Variants in SLC9A9 observed in about 807,000 individuals in gnomAD.
The protein encoded by SLC9A9 is sodium/hydrogen exchanger 9.
Under a neutral mutation model 77.8 loss-of-function variants are expected in SLC9A9, and 62 were observed. That is an observed-to-expected ratio of 0.80 (90% confidence interval 0.65 to 0.98). The LOEUF is 0.98. Among genes scored for constraint, SLC9A9 ranks in the 50% least tolerant of loss-of-function variants. SLC9A9 has a pLI of 0.00. For synonymous variants in SLC9A9, 320 were observed against 283.5 expected, an observed-to-expected ratio of 1.13 and a Z score of -1.29; for missense variants, 775 against 774.9, an observed-to-expected ratio of 1.00 and a Z score of 0.00.
Position 143,403,815 on chromosome 3 carries a change from C to T in SLC9A9, c.1470-21701G>A, listed in dbSNP as rs530758741. Reference sequence around the variant, plus strand: ...TGTGTCTTGATATGGCTTTCGTTTTCCCTACTTGTAATTCACTGAACTTCT... The same window carrying T: ...TGTGTCTTGATATGGCTTTCGTTTTTCCTACTTGTAATTCACTGAACTTCT... On this transcript the variant is annotated intron_variant, in intron 12 of 15. Transcript: ENST00000316549. Among the ~76,000 whole-genome samples the T allele has an allele frequency of 2.0e-5, 3 of 152,216 alleles. No homozygotes were observed. In the South Asian group the frequency reaches 6.2e-4, roughly 32 times the overall value.
chr3:143,380,295 T>C (rs2033273548), intron 13 of SLC9A9, among the ~76,000 whole-genome samples: 1 of 152,176 alleles, frequency 6.6e-6, no homozygotes, highest in Non-Finnish European at 1.5e-5. Context: ...TACATTTAAA[T>C]TGGAAAGGAT....
intron 1 of SLC9A9, among the ~76,000 whole-genome samples, chr3:143,833,815 T>C (rs2009499230): frequency 6.6e-6 from 1 of 152,178 alleles, no homozygotes; most frequent in African/African-American, 2.4e-5. Context: ...ACAATGCATA[T>C]ATACAGAAAG....
intron 7 of SLC9A9, among the ~76,000 whole-genome samples, chr3:143,578,262 A>T (rs1191267797): frequency 6.6e-6 from 1 of 152,164 alleles, no homozygotes; most frequent in Admixed American, 6.5e-5. Flanking sequence ...TCTTGACCCT[A>T]GTAAGGCCAA....
intron 4 of SLC9A9, among the ~76,000 whole-genome samples, chr3:143,707,406 G>A (rs1208851712): frequency 6.9e-6 from 1 of 145,410 alleles, no homozygotes; most frequent in East Asian, 1.9e-4. Flanking sequence ...ACACACCCCA[G>A]CTGGGAAGCC....
intron 8 of SLC9A9, among the ~76,000 whole-genome samples, chr3:143,557,295 A>T (rs1372652074): frequency 6.6e-6 from 1 of 152,106 alleles, no homozygotes; most frequent in Non-Finnish European, 1.5e-5. Flanking sequence ...AGTCAATTAA[A>T]CCTCTTCTTT....
chr3:143,790,970 T>C (rs1392133491), intron 4 of SLC9A9, among the ~76,000 whole-genome samples: 1 of 152,164 alleles, frequency 6.6e-6, no homozygotes, highest in Non-Finnish European at 1.5e-5. Context: ...TAGAACAAAA[T>C]GTATGTGCTG....
intron 11 of SLC9A9, 99 bp downstream of exon 11, chr3:143,493,554 T>G (rs2035782854): frequency 9.7e-7 from 1 of 1,029,104 alleles, no homozygotes; most frequent in African/African-American, 1.6e-5. Flanking sequence ...TAAAGAGAAG[T>G]TGTTTCCCCA....
At chr3:143,514,188 G>C (rs1391521209) in intron 9 of SLC9A9, among the ~76,000 whole-genome samples, 2 of 151,432 alleles carry the variant, frequency 1.3e-5, no homozygotes, top group Non-Finnish European at 1.5e-5. Flanking sequence ...TCCTTAAAAA[G>C]AGCAGCAATA....
intron 6 of SLC9A9, among the ~76,000 whole-genome samples, chr3:143,619,801 C>T (rs765686915): frequency 1.1e-4 from 16 of 152,196 alleles, no homozygotes; most frequent in Non-Finnish European, 2.2e-4. Context: ...AACTTCTGGT[C>T]CCGCCAACAG....
At chr3:143,725,805 G>A (rs1461048025) in intron 4 of SLC9A9, among the ~76,000 whole-genome samples, 2 of 150,526 alleles carry the variant, frequency 1.3e-5, no homozygotes, top group Non-Finnish European at 3.0e-5. Flanking sequence ...GTTAATGGGT[G>A]CAGCACACCA....
intron 6 of SLC9A9, among the ~76,000 whole-genome samples, chr3:143,604,625 A>G (rs2037893399): frequency 6.6e-6 from 1 of 152,206 alleles, no homozygotes; most frequent in Non-Finnish European, 1.5e-5. Flanking sequence ...TGAAGGTGGA[A>G]GTATATAAAG....
intron 14 of SLC9A9, among the ~76,000 whole-genome samples, chr3:143,337,362 G>A (rs1439718009): frequency 6.6e-6 from 1 of 152,126 alleles, no homozygotes; most frequent in Non-Finnish European, 1.5e-5. Flanking sequence ...CTACCCGTAT[G>A]TCACCTGATA....
At chr3:143,540,179 C>A (rs2036663732) in intron 9 of SLC9A9, among the ~76,000 whole-genome samples, 1 of 151,528 alleles carries the variant, frequency 6.6e-6, no homozygotes. Context: ...TGATACAGAG[C>A]CTTTTATGAT....
intron 12 of SLC9A9, among the ~76,000 whole-genome samples, chr3:143,418,448 T>C (rs952243341): frequency 1.3e-5 from 2 of 151,922 alleles, no homozygotes; most frequent in Non-Finnish European, 2.9e-5. Context: ...ACATCTGAGG[T>C]CTAAACATGA....
chr3:143,751,119 A>G (rs1341677927), intron 4 of SLC9A9, among the ~76,000 whole-genome samples: 1 of 152,196 alleles, frequency 6.6e-6, no homozygotes, highest in Non-Finnish European at 1.5e-5. Flanking sequence ...TTTGGAAGCC[A>G]GGCTAACTGG....
chr3:143,463,350 G>A (rs1023266925), intron 12 of SLC9A9, among the ~76,000 whole-genome samples: 7 of 152,200 alleles, frequency 4.6e-5, no homozygotes, highest in African/African-American at 1.7e-4. Flanking sequence ...TCTACCCTAA[G>A]CCAAGAATGG....
chr3:143,765,706 A>G (rs2108836138), intron 4 of SLC9A9, among the ~76,000 whole-genome samples: 1 of 152,254 alleles, frequency 6.6e-6, no homozygotes, highest in East Asian at 1.9e-4. Flanking sequence ...ACTTTCATTC[A>G]TAATTAAGTT....
chr3:143,543,108 T>C (rs1355134227), intron 9 of SLC9A9, among the ~76,000 whole-genome samples: 2 of 152,358 alleles, frequency 1.3e-5, no homozygotes, highest in East Asian at 3.9e-4. Context: ...GTTATCTTTG[T>C]AAGACAGAAA....
intron 6 of SLC9A9, among the ~76,000 whole-genome samples, chr3:143,585,641 G>A (rs1342772071): frequency 6.6e-6 from 1 of 152,210 alleles, no homozygotes; most frequent in Non-Finnish European, 1.5e-5. Context: ...ACTGAGACCT[G>A]TCACAGATAT....
Sources: allele counts gnomAD v4.1 joint callset (sites outside exome capture counted in the v4.1 genomes callset), GRCh38; gene constraint gnomAD v4.1.1; transcripts MANE v1.5; gene names NCBI Gene and HGNC (gene_info 2026-07-23, HGNC 2026-07-21).